UBE3D: variants seen among roughly 807,000 people sequenced by gnomAD.
UBE3D encodes the protein E3 ubiquitin-protein ligase E3D.
A neutral mutation model predicts 49.6 loss-of-function variants in UBE3D; 48 were observed. The observed-to-expected ratio is 0.97, with a 90% CI of 0.77 to 1.23. The LOEUF is 1.23. Among genes scored for constraint, UBE3D ranks in the 50% most tolerant of loss-of-function variants. The probability of loss-of-function intolerance (pLI) is 0.00; values close to 1 mark genes in which losing one functional copy is unlikely to be tolerated. For synonymous variants in UBE3D, 189 were observed against 174.2 expected, an observed-to-expected ratio of 1.08 and a Z score of -0.67; for missense variants, 452 against 468.4, an observed-to-expected ratio of 0.96 and a Z score of 0.32.
the UBE3D span, among the ~76,000 whole-genome samples, chr6:82,886,817 A>G: frequency 6.6e-6 from 1 of 152,128 alleles, no homozygotes. Context: ...CTTGGCCACT[A>G]TTTCGTTTCT....
downstream of UBE3D, among the ~76,000 whole-genome samples, chr6:82,890,798 T>C (rs1200419419): frequency 6.6e-6 from 1 of 152,230 alleles, no homozygotes; most frequent in African/African-American, 2.4e-5. Context: ...TAGTTGGGTT[T>C]TTTTGAGCAG....
chr6:82,974,063 T>C (rs538239228), intron 8 of UBE3D, among the ~76,000 whole-genome samples: 1 of 152,342 alleles, frequency 6.6e-6, no homozygotes, highest in East Asian at 1.9e-4. Flanking sequence ...ATTATTTCAT[T>C]ATGCATTACA....
chr6:83,013,263 C>T (rs1338344907), intron 8 of UBE3D, among the ~76,000 whole-genome samples: 1 of 152,164 alleles, frequency 6.6e-6, no homozygotes, highest in African/African-American at 2.4e-5. Context: ...TTCACCAAAG[C>T]CCAGTAACAG....
intron 8 of UBE3D, among the ~76,000 whole-genome samples, chr6:82,980,673 C>A (rs544058388): frequency 6.6e-5 from 10 of 152,046 alleles, no homozygotes; most frequent in African/African-American, 2.4e-4. Flanking sequence ...AAGACTTTTT[C>A]CTAAGTTTTC....
At chr6:83,010,115 T>C (rs1168988053) in intron 8 of UBE3D, among the ~76,000 whole-genome samples, 1 of 152,110 alleles carries the variant, frequency 6.6e-6, no homozygotes, top group Non-Finnish European at 1.5e-5. Context: ...CTTGTTCCAG[T>C]GAACAGTATG....
At position 83,065,782 on chromosome 6, in the gene UBE3D, C is replaced by G; in HGVS notation, c.-64G>C. The G allele has an allele frequency of 6.6e-7, 1 of 1,511,364 alleles. No individual in the cohort carries two copies. 93.6% of individuals were successfully genotyped at this position (1,511,364 alleles called of 1,614,324 possible). A position where few individuals can be genotyped will look rare whatever the true frequency, so the allele number is the denominator to read the frequency against. On this transcript the variant is annotated 5_prime_UTR_variant, in exon 1 of 10. Transcript: ENST00000369747. ...TCCGAGGGGCCCGGGTCAACAGGAC[C>G]AGGAGAGGTTCCACGTGCGGACCAA...
At chr6:82,952,399 T>C (rs1003767241) in intron 9 of UBE3D, among the ~76,000 whole-genome samples, 1 of 151,952 alleles carries the variant, frequency 6.6e-6, no homozygotes, top group Non-Finnish European at 1.5e-5. Context: ...TTAGCTATTA[T>C]AATTTATATT....
chr6:82,936,816 T>C (rs1774612630), intron 9 of UBE3D, among the ~76,000 whole-genome samples: 1 of 152,200 alleles, frequency 6.6e-6, no homozygotes, highest in South Asian at 2.1e-4. Context: ...GCAAACTGGA[T>C]GATAATTTTT....
chr6:82,975,031 C>T (rs575589267), intron 8 of UBE3D, among the ~76,000 whole-genome samples: 75 of 152,024 alleles, frequency 4.9e-4, no homozygotes, highest in African/African-American at 1.6e-3. Context: ...AACCAAAATA[C>T]TTTTGTTTAA....
intron 9 of UBE3D, among the ~76,000 whole-genome samples, chr6:82,909,762 G>A (rs756261602): frequency 1.3e-5 from 2 of 152,110 alleles, no homozygotes; most frequent in Non-Finnish European, 2.9e-5. Flanking sequence ...GGGATTCGAG[G>A]TCTATGAGCA....
At chr6:82,957,274 CTG>C (rs1181989851) in intron 9 of UBE3D, 36 bp downstream of exon 9, 1 of 1,600,546 alleles carries the variant, frequency 6.2e-7, no homozygotes, top group East Asian at 2.2e-5. Context: ...CCAAGTAAAA[CTG>C]AGAAATCACG....
chr6:82,909,286 T>C (rs1416169997), intron 9 of UBE3D, among the ~76,000 whole-genome samples: 1 of 152,232 alleles, frequency 6.6e-6, no homozygotes, highest in Non-Finnish European at 1.5e-5. Context: ...ACAAGTAGCT[T>C]ACAACTCAGG....
At chr6:82,900,833 G>A (rs1453118276) in intron 9 of UBE3D, among the ~76,000 whole-genome samples, 1 of 152,014 alleles carries the variant, frequency 6.6e-6, no homozygotes, top group Middle Eastern at 3.2e-3. Flanking sequence ...GGTCATACCT[G>A]CCTTTGAAAA....
At chr6:82,952,598 A>AT (rs1358401283) in intron 9 of UBE3D, among the ~76,000 whole-genome samples, 1 of 151,890 alleles carries the variant, frequency 6.6e-6, no homozygotes, top group Non-Finnish European at 1.5e-5. Flanking sequence ...TAATTTTTTA[A>AT]TTTTTTACAT....
In UBE3D at chr6:83,065,825, G is replaced by A. The variant is rs759274003; in HGVS notation, c.-107C>T. ...CGGACCAACCAGCGGCAGCCCCGCT[G>A]CGGCGCAGGCGCCTGTGCCAGATCG... On this transcript the variant is annotated 5_prime_UTR_variant, in exon 1 of 10. Transcript: ENST00000369747. 1.4e-5 allele frequency: 16 copies of A among 1,167,762 alleles called. No homozygotes were observed. The highest frequency in any genetic ancestry group is 2.3e-5 in the Admixed American group (1 of 42,650). The allele number at this position is 1,167,762 out of a possible 1,614,324, so 72.3% of individuals were successfully genotyped here.
At chr6:82,939,742 T>G (rs533865343) in intron 9 of UBE3D, among the ~76,000 whole-genome samples, 1 of 152,346 alleles carries the variant, frequency 6.6e-6, no homozygotes, top group African/African-American at 2.4e-5. Context: ...TGACATTCTC[T>G]GTGATGCCTC....
intron 8 of UBE3D, among the ~76,000 whole-genome samples, chr6:83,005,403 G>A (rs1268965178): frequency 1.3e-5 from 2 of 151,948 alleles, no homozygotes; most frequent in African/African-American, 2.4e-5. Flanking sequence ...TGCTGCAACT[G>A]CTATAAAAGA....
chr6:82,891,194 T>C (rs1283217033), downstream of UBE3D, among the ~76,000 whole-genome samples: 3 of 152,226 alleles, frequency 2.0e-5, no homozygotes, highest in Admixed American at 6.5e-5. Context: ...ATAGCAGTGG[T>C]TCTCAGCTGG....
intron 3 of UBE3D, among the ~76,000 whole-genome samples, chr6:83,053,607 A>T (rs1328763189): frequency 6.6e-6 from 1 of 152,224 alleles, no homozygotes; most frequent in Non-Finnish European, 1.5e-5. Context: ...AGTCCTTCCC[A>T]TCTCAACAGG....
Sources: gnomAD v4.1 joint callset for allele counts (sites outside exome capture counted in the v4.1 genomes callset) on GRCh38, gnomAD v4.1.1 for gene constraint, MANE v1.5 for transcripts, NCBI Gene and HGNC (gene_info 2026-07-23, HGNC 2026-07-21) for gene names.